Variants in SORBS2 observed in about 807,000 individuals in gnomAD.
The protein encoded by SORBS2 is sorbin and SH3 domain containing 2.
A neutral mutation model predicts 97.7 loss-of-function variants in SORBS2; 46 were observed. The observed-to-expected ratio is 0.47, with a 90% CI of 0.37 to 0.60. The LOEUF is 0.60. SORBS2 is among the 20% of genes least tolerant of loss of function. The pLI, the probability that SORBS2 is intolerant of heterozygous loss-of-function variation, is 0.00. For synonymous variants in SORBS2, 476 were observed against 473.4 expected (o/e 1.01, Z -0.07); for missense variants, 1,316 against 1,282.3 (o/e 1.03, Z -0.40).
intron 4 of SORBS2, among the ~76,000 whole-genome samples, chr4:185,643,060 T>C (rs2097153005): frequency 6.6e-6 from 1 of 152,242 alleles, no homozygotes; most frequent in Non-Finnish European, 1.5e-5. Flanking sequence ...TCCCAGGTGT[T>C]GGGATACAAC....
At chr4:185,674,946 A>AT (rs1289501238) in intron 4 of SORBS2, among the ~76,000 whole-genome samples, 1 of 152,178 alleles carries the variant, frequency 6.6e-6, no homozygotes, top group African/African-American at 2.4e-5. Flanking sequence ...TCCAGTTCTT[A>AT]TTAATGCTTG....
At chr4:185,768,640 A>C (rs957641845) in intron 2 of SORBS2, among the ~76,000 whole-genome samples, 1 of 150,098 alleles carries the variant, frequency 6.7e-6, no homozygotes, top group Non-Finnish European at 1.5e-5. Flanking sequence ...CGGAGGTTGC[A>C]GTGAGCCAAG....
intron 2 of SORBS2, among the ~76,000 whole-genome samples, chr4:185,740,889 G>A (rs2098720231): frequency 6.6e-6 from 1 of 151,664 alleles, no homozygotes; most frequent in African/African-American, 2.4e-5. Flanking sequence ...ACTCGGACCA[G>A]CACTAACTCG....
intron 1 of SORBS2, among the ~76,000 whole-genome samples, chr4:185,850,915 G>A (rs1057175520): frequency 6.6e-6 from 1 of 152,112 alleles, no homozygotes; most frequent in Non-Finnish European, 1.5e-5. Flanking sequence ...GCACACGAGG[G>A]TAAATTCACT....
intron 2 of SORBS2, among the ~76,000 whole-genome samples, chr4:185,758,374 C>G (rs1014727201): frequency 1.3e-5 from 2 of 152,220 alleles, no homozygotes; most frequent in African/African-American, 4.8e-5. Context: ...TGTCAGCACA[C>G]TGTGCCCGCT....
rs557578662 is a variant in SORBS2, at chr4:185,857,661, C to T, written c.-337-82295G>A. Among the ~76,000 whole-genome samples, 6 of 152,262 alleles carry T rather than the reference C, an allele frequency of 3.9e-5. No individual in the cohort carries two copies. The South Asian group carries it at 1.2e-3, about 32-fold the overall frequency. On this transcript the variant is annotated intron_variant, in intron 1 of 20. Transcript: ENST00000284776. ...AGGAGAAATATCACTGAATTCTTTT[C>T]CCAGCAAGGAATAACCATGGGGAAG...
chr4:185,725,074 A>G (rs988740737), intron 2 of SORBS2, among the ~76,000 whole-genome samples: 3 of 152,208 alleles, frequency 2.0e-5, no homozygotes, highest in Non-Finnish European at 4.4e-5. Flanking sequence ...TCATTTAATG[A>G]AGAGGCTTTT....
intron 1 of SORBS2, among the ~76,000 whole-genome samples, chr4:185,878,520 A>G (rs917565252): frequency 5.3e-5 from 8 of 152,010 alleles, no homozygotes; most frequent in Admixed American, 4.6e-4. Context: ...CCCCATCCCC[A>G]TATCCAAGCC....
intron 4 of SORBS2, 108 bp from the exon 17 acceptor site, chr4:185,630,706 G>A: frequency 1.5e-6 from 1 of 657,388 alleles, no homozygotes; most frequent in Admixed American, 2.9e-5. Context: ...AAAAATTGAG[G>A]TTGAAAGTAC....
intron 2 of SORBS2, among the ~76,000 whole-genome samples, chr4:185,686,918 G>A (rs946739334): frequency 4.6e-5 from 7 of 152,302 alleles, no homozygotes; most frequent in South Asian, 2.1e-4. Context: ...TGAACTACTT[G>A]CTTGGGGCAG....
At chr4:185,845,122 C>T (rs2099213815) in intron 1 of SORBS2, among the ~76,000 whole-genome samples, 1 of 151,546 alleles carries the variant, frequency 6.6e-6, no homozygotes, top group African/African-American at 2.4e-5. Flanking sequence ...AAATGATTCT[C>T]CCACCTCAGC....
Position 185,662,533 on chromosome 4 carries a change from A to G in SORBS2, c.-45-291T>C, listed in dbSNP as rs114895060. On this transcript the variant is annotated intron_variant, in intron 4 of 20. Transcript: ENST00000284776. ...TCTGCCAACAGAGGTGCCAAATGGT[A>G]TCAGTAGGAGTCAGTACCAAGTAAA... Among the ~76,000 whole-genome samples, 377 of 152,306 alleles carry G rather than the reference A, an allele frequency of 2.5e-3. 2 individuals carry two copies. The highest frequency in any genetic ancestry group is 4.5e-3 in the Non-Finnish European group (309 of 68,028).
intron 13 of SORBS2, 34 bp from the exon 26 acceptor site, chr4:185,589,819 T>C (rs2095878120): frequency 9.3e-7 from 1 of 1,077,316 alleles, no homozygotes; most frequent in Non-Finnish European, 1.4e-6. Flanking sequence ...TTTAAAAACA[T>C]CTTGACACCT....
chr4:185,685,848 C>G (rs2097947823), intron 2 of SORBS2, among the ~76,000 whole-genome samples: 1 of 152,182 alleles, frequency 6.6e-6, no homozygotes, highest in South Asian at 2.1e-4. Flanking sequence ...AATATGTGTA[C>G]TATGATTCAT....
intron 1 of SORBS2, among the ~76,000 whole-genome samples, chr4:185,847,810 A>G (rs775844834): frequency 5.3e-5 from 8 of 152,198 alleles, no homozygotes; most frequent in Non-Finnish European, 7.3e-5. Flanking sequence ...AGATCTGTTC[A>G]TCAGGTAGAA....
intron 2 of SORBS2, among the ~76,000 whole-genome samples, chr4:185,740,608 C>A (rs550421805): frequency 1.2e-3 from 178 of 152,266 alleles, no homozygotes; most frequent in Non-Finnish European, 2.3e-3. Context: ...CCAACATTAA[C>A]TCAGCCCAAC....
At chr4:185,887,712 G>T (rs963470240) in intron 1 of SORBS2, among the ~76,000 whole-genome samples, 9 of 152,114 alleles carry the variant, frequency 5.9e-5, no homozygotes, top group Non-Finnish European at 1.2e-4. Flanking sequence ...AGGGGTGGTA[G>T]CACCCTCCTA....
intron 1 of SORBS2, among the ~76,000 whole-genome samples, chr4:185,861,626 A>G (rs1379932482): frequency 7.6e-6 from 1 of 131,222 alleles, no homozygotes; most frequent in Non-Finnish European, 1.6e-5. Context: ...TCTTTTTTTG[A>G]GATGGAATCT....
At chr4:185,594,443 A>G (rs200740884) in intron 12 of SORBS2, among the ~76,000 whole-genome samples, 1 of 152,228 alleles carries the variant, frequency 6.6e-6, no homozygotes, top group Non-Finnish European at 1.5e-5. Context: ...CAGACATCCC[A>G]TGCTACATTT....
Sources: allele counts gnomAD v4.1 joint callset (sites outside exome capture counted in the v4.1 genomes callset), GRCh38; gene constraint gnomAD v4.1.1; transcripts MANE v1.5; gene names NCBI Gene and HGNC (gene_info 2026-07-23, HGNC 2026-07-21).